Variants in ARRDC4 observed in about 807,000 individuals in gnomAD.
ARRDC4 encodes arrestin domain containing 4, also known as arrestin domain-containing protein 4.
Under a neutral mutation model 44.6 loss-of-function variants are expected in ARRDC4, and 40 were observed. The observed-to-expected ratio is 0.90, with a 90% CI of 0.70 to 1.17. The LOEUF (loss-of-function observed/expected upper bound fraction) is 1.17. Among genes scored for constraint, ARRDC4 ranks in the 50% most tolerant of loss-of-function variants. ARRDC4 has a pLI of 0.00. For missense variants in ARRDC4, 550 were observed against 559.1 expected, an observed-to-expected ratio of 0.98 and a Z score of 0.16; for synonymous variants, 211 against 221.2, an observed-to-expected ratio of 0.95 and a Z score of 0.41.
Position 97,965,314 on chromosome 15 carries a change from G to C in ARRDC4, c.308-286G>C, listed in dbSNP as rs1237211370. On this transcript the variant is annotated intron_variant, in intron 1 of 7. Coordinates refer to ENST00000268042, the MANE Select transcript of ARRDC4 (RefSeq NM_183376.3). This position sits in a 1 kb window ranked among gnomAD's most constrained non-coding sequence, Gnocchi z 5.1. ...TCAAGAACCATGGCACATGCATATAGTCCCAGCTCCTTGGGAGTCTGAGGC... is the reference window on the plus strand; with the variant it reads ...TCAAGAACCATGGCACATGCATATACTCCCAGCTCCTTGGGAGTCTGAGGC... Among the ~76,000 whole-genome samples, 1 of 152,078 alleles carries C rather than the reference G, an allele frequency of 6.6e-6. No homozygotes were observed. The highest frequency in any genetic ancestry group is 1.5e-5 in the Non-Finnish European group (1 of 68,020).
intron 5 of ARRDC4, 121 bp from the exon 6 acceptor site, chr15:97,969,762 G>A (rs1167897900): frequency 4.8e-6 from 4 of 841,248 alleles, no homozygotes; most frequent in Non-Finnish European, 5.4e-6. Flanking sequence ...ATTGTGATGG[G>A]GGTGGTGGCA....
Position 97,970,570 on chromosome 15 carries a change from A to T in ARRDC4, c.1046-19A>T. 1.3e-6 allele frequency: 2 copies of T among 1,590,190 alleles called. No individual in the cohort carries two copies. Among genetic ancestry groups the T allele is most frequent in the South Asian group, 2.3e-5 (2 of 88,708 alleles). On this transcript the variant is annotated intron_variant, in intron 6 of 7. Coordinates refer to ENST00000268042, the MANE Select transcript of ARRDC4 (RefSeq NM_183376.3). The surrounding 1 kb of genome is among the most constrained non-coding windows in gnomAD (Gnocchi z 4.2). ...ATTTTTGAGTGGATTTCTTAACTCC[A>T]ACTTCATTTCTATTTCAGCACCACC...
Position 97,970,297 on chromosome 15 carries a change from G to A in ARRDC4, c.1045+252G>A, listed in dbSNP as rs1316214929. On this transcript the variant is annotated intron_variant, in intron 6 of 7. Transcript: ENST00000268042. The surrounding 1 kb of genome is among the most constrained non-coding windows in gnomAD (Gnocchi z 4.2). ...ATTTCCTAATTCCTATTTGTAATAGGAAAACAATGAAAAACAGTCAAATGT... is the reference window on the plus strand; with the variant it reads ...ATTTCCTAATTCCTATTTGTAATAGAAAAACAATGAAAAACAGTCAAATGT... Among the ~76,000 whole-genome samples, 12 of 151,944 alleles carry A rather than the reference G, an allele frequency of 7.9e-5. No homozygotes were observed. Among genetic ancestry groups the A allele is most frequent in the Non-Finnish European group, 2.9e-5 (2 of 67,974 alleles).
chr15:97,970,876 G>T lies in ARRDC4; in HGVS notation c.1200+133G>T. On this transcript the variant is annotated intron_variant, in intron 7 of 7. Coordinates refer to ENST00000268042, the MANE Select transcript of ARRDC4 (RefSeq NM_183376.3). This position sits in a 1 kb window ranked among gnomAD's most constrained non-coding sequence, Gnocchi z 4.2. ...ATACATTTAAATTTGTTTATACAGTGGTAATAGATTATCGCTGATTCATTT... is the reference window on the plus strand; with the variant it reads ...ATACATTTAAATTTGTTTATACAGTTGTAATAGATTATCGCTGATTCATTT... 8.7e-7 allele frequency: 1 copy of T among 1,143,052 alleles called. No homozygotes were observed. Among genetic ancestry groups the T allele is most frequent in the South Asian group, 1.6e-5 (1 of 63,486 alleles). The allele number at this position is 1,143,052 out of a possible 1,614,324, so 70.8% of individuals were successfully genotyped here.
chr15:97,960,974 T>C lies in ARRDC4; in HGVS notation c.113T>C (p.Val38Ala). ...GGCTGCTATTCCAGCGGCGAGACAGTGGCCGGGCACGTGCTGCTGGAGGCG... is the reference window on the plus strand; with the variant it reads ...GGCTGCTATTCCAGCGGCGAGACAGCGGCCGGGCACGTGCTGCTGGAGGCG... ...RKGCYSSGET[V>A]AGHVLLEASE... Residue 38 changes from valine (V) to alanine (A), a missense_variant, in exon 1 of 8, where the codon GTG (valine) becomes GCG (alanine). Transcript: ENST00000268042. 1 of 1,463,822 alleles carries C rather than the reference T, an allele frequency of 6.8e-7. No individual in the cohort carries two copies. The highest frequency in any genetic ancestry group is 9.0e-7 in the Non-Finnish European group (1 of 1,106,708). The allele number at this position is 1,463,822 out of a possible 1,614,324, so 90.7% of individuals were successfully genotyped here.
At position 97,970,988 on chromosome 15, in the gene ARRDC4, G is replaced by T. The variant is rs1899502499; in HGVS notation, c.1201-143G>T. 2 of 978,702 alleles carry T rather than the reference G, an allele frequency of 2.0e-6. No homozygotes were observed. Among genetic ancestry groups the T allele is most frequent in the Admixed American group, 2.1e-5 (1 of 46,750 alleles). The allele number at this position is 978,702 out of a possible 1,614,324, so 60.6% of individuals were successfully genotyped here. A position where few individuals can be genotyped will look rare whatever the true frequency, so the allele number is the denominator to read the frequency against. On this transcript the variant is annotated intron_variant, in intron 7 of 7. Coordinates refer to ENST00000268042, the MANE Select transcript of ARRDC4 (RefSeq NM_183376.3). This position sits in a 1 kb window ranked among gnomAD's most constrained non-coding sequence, Gnocchi z 4.2. ...CTTTAAGGTGTGTTATTTGGCCATG[G>T]AATATAGAGAACTTAAGCACCTTCT...
Position 97,966,051 on chromosome 15 carries a change from T to C in ARRDC4, c.522+9T>C, listed in dbSNP as rs1462594172. The C allele has an allele frequency of 6.2e-7, 1 of 1,613,904 alleles. No homozygotes were observed. The highest frequency in any genetic ancestry group is 1.3e-5 in the African/African-American group (1 of 75,030). ...ACACACCAGCATTATTAGTAAGTTC[T>C]TCCTTTTTCTCTTCCTCCTCCTTTT... On this transcript the variant is annotated intron_variant, in intron 3 of 7. Coordinates refer to ENST00000268042, the MANE Select transcript of ARRDC4 (RefSeq NM_183376.3). The surrounding 1 kb of genome is among the most constrained non-coding windows in gnomAD (Gnocchi z 4.7).
chr15:97,964,509 A>G (rs552649470), intron 1 of ARRDC4, among the ~76,000 whole-genome samples: 1 of 152,154 alleles, frequency 6.6e-6, no homozygotes, highest in African/African-American at 2.4e-5. Flanking sequence ...TCTACTTTGG[A>G]TCTGAATTAA....
At chr15:97,963,087 T>TA (rs1218089093) in intron 1 of ARRDC4, among the ~76,000 whole-genome samples, 2 of 152,350 alleles carry the variant, frequency 1.3e-5, no homozygotes, top group Non-Finnish European at 2.9e-5. Context: ...AGTGTGACCT[T>TA]ATGCAAGTCC....
chr15:97,960,732 T>G lies in ARRDC4; in HGVS notation c.-130T>G, dbSNP rs907059184. ...GGCCTCTCGGCGAGCCGGTGCCCCA[T>G]CGGGTACCGCACGGCTGCCGCGGCG... On this transcript the variant is annotated 5_prime_UTR_variant, in exon 1 of 8. Transcript: ENST00000268042. 2.4e-4 allele frequency: 195 copies of G among 806,622 alleles called. 1 individual carries two copies. In the African/African-American group the frequency reaches 2.8e-3, roughly 11 times the overall value. 50.0% of individuals were successfully genotyped at this position (806,622 alleles called of 1,614,324 possible).
rs779312385 is a variant in ARRDC4, at chr15:97,969,251, G to A, written c.754G>A (p.Ala252Thr). ...AACAAAGACCATTCGACACATGGTC[G>A]CCAATGTGCGAGGAAACCACATCGC... ...GKTKTIRHMV[A>T]NVRGNHIASG... Residue 252 changes from alanine (A) to threonine (T), a missense_variant, in exon 5 of 8, where the codon GCC becomes ACC. By Grantham distance (58) the Ala-to-Thr change is moderately conservative. Transcript: ENST00000268042. The A allele has an allele frequency of 4.9e-5, 79 of 1,613,786 alleles. No individual in the cohort carries two copies. Among genetic ancestry groups the A allele is most frequent in the South Asian group, 4.7e-4 (43 of 91,084 alleles).
In ARRDC4 at chr15:97,968,012, A is replaced by G; in HGVS notation, c.523-2A>G. 1 of 1,580,192 alleles carries G rather than the reference A, an allele frequency of 6.3e-7. No homozygotes were observed. The highest frequency in any genetic ancestry group is 8.6e-7 in the Non-Finnish European group (1 of 1,163,256). On this transcript the variant is annotated splice_acceptor_variant, in intron 3 of 7. Coordinates refer to ENST00000268042, the MANE Select transcript of ARRDC4 (RefSeq NM_183376.3). LOFTEE classifies it high-confidence loss of function. This position sits in a 1 kb window ranked among gnomAD's most constrained non-coding sequence, Gnocchi z 5.4. ...GTTGTTTTATTGTTTGAAATTTTCAAGACCCCTGTATTGAAAACTCAAGAG... is the reference window on the plus strand; with the variant it reads ...GTTGTTTTATTGTTTGAAATTTTCAGGACCCCTGTATTGAAAACTCAAGAG...
rs1258889748 is a variant in ARRDC4 at position 97,966,467 on chromosome 15, T to A, written c.522+425T>A. Among the ~76,000 whole-genome samples the A allele has an allele frequency of 1.3e-5, 2 of 152,208 alleles. No individual in the cohort carries two copies. Among genetic ancestry groups the A allele is most frequent in the Non-Finnish European group, 2.9e-5 (2 of 68,046 alleles). ...GGAAGAGTATTAATCATGCTCAGCC[T>A]GTTATTGAAGCTCAGGCCATTATGC... On this transcript the variant is annotated intron_variant, in intron 3 of 7. Coordinates refer to ENST00000268042, the MANE Select transcript of ARRDC4 (RefSeq NM_183376.3). This position sits in a 1 kb window ranked among gnomAD's most constrained non-coding sequence, Gnocchi z 4.7.
In ARRDC4 at chr15:97,961,075, T is replaced by C. The variant is rs746234806; in HGVS notation, c.214T>C (p.Cys72Arg). The C allele has an allele frequency of 7.7e-6, 11 of 1,434,018 alleles. No individual in the cohort carries two copies. The highest frequency in any genetic ancestry group is 4.2e-5 in the South Asian group (3 of 71,606). 88.8% of individuals were successfully genotyped at this position (1,434,018 alleles called of 1,614,324 possible). Residue 72 changes from cysteine (C) to arginine (R), a missense_variant, in exon 1 of 8, where the codon TGC becomes CGC. Coordinates refer to ENST00000268042, the MANE Select transcript of ARRDC4 (RefSeq NM_183376.3). ...CACCGCCGCCTGGGGCCCGAGCACC[T>C]GCCCCCGCGCCTCGGCCAGCACCGC... ...RATAAWGPST[C>R]PRASASTAAL...
intron 1 of ARRDC4, among the ~76,000 whole-genome samples, chr15:97,963,142 T>G (rs1899350274): frequency 6.6e-6 from 1 of 152,208 alleles, no homozygotes; most frequent in Admixed American, 6.5e-5. Flanking sequence ...AATGGTCTTC[T>G]GCATCCCACG....
At chr15:97,962,038 A>C (rs557255855) in intron 1 of ARRDC4, among the ~76,000 whole-genome samples, 21 of 152,276 alleles carry the variant, frequency 1.4e-4, no homozygotes, top group Non-Finnish European at 1.6e-4. Flanking sequence ...CATGAGTCTT[A>C]CTCATTTCAT....
intron 4 of ARRDC4, 77 bp from the exon 5 acceptor site, chr15:97,969,046 C>A: frequency 1.4e-6 from 2 of 1,416,886 alleles, no homozygotes; most frequent in Admixed American, 2.0e-5. Context: ...AACATTTCAG[C>A]TATACGGCCC....
rs1899434060 is a variant in ARRDC4 at position 97,967,305 on chromosome 15, T to C, written c.523-709T>C. Among the ~76,000 whole-genome samples, 1 of 151,860 alleles carries C rather than the reference T, an allele frequency of 6.6e-6. No homozygotes were observed. Among genetic ancestry groups the C allele is most frequent in the African/African-American group, 2.4e-5 (1 of 41,296 alleles). ...ATTCTTTATATAAATAAAAAAAAAA[T>C]ATTGCAAGTAACTGGGTTTTACAGA... is the stretch of plus-strand genomic sequence containing the variant. On this transcript the variant is annotated intron_variant, in intron 3 of 7. Coordinates refer to ENST00000268042, the MANE Select transcript of ARRDC4 (RefSeq NM_183376.3). The surrounding 1 kb of genome is among the most constrained non-coding windows in gnomAD (Gnocchi z 5.0).
chr15:97,969,391 TC>T lies in ARRDC4; in HGVS notation c.882+13del, dbSNP rs202071001. 1 of 1,552,248 alleles carries T rather than the reference TC, an allele frequency of 6.4e-7. No homozygotes were observed. Among genetic ancestry groups the T allele is most frequent in the South Asian group, 1.1e-5 (1 of 88,340 alleles). ...ACTATTCCTTAGCTGTAAGCAAAGC[TC>T]TTTTTTAAAAAAAAATGTGTATGAT... On this transcript the variant is annotated intron_variant, in intron 5 of 7. Transcript: ENST00000268042.
Sources: allele counts gnomAD v4.1 joint callset (sites outside exome capture counted in the v4.1 genomes callset), GRCh38; gene constraint gnomAD v4.1.1; non-coding constraint Gnocchi (gnomAD v3.1); transcripts MANE v1.5; gene names NCBI Gene and HGNC (gene_info 2026-07-23, HGNC 2026-07-21).